Variants in ISM2 observed in about 807,000 individuals in gnomAD.
ISM2 encodes the protein isthmin-2.
Under a neutral mutation model 58.0 loss-of-function variants are expected in ISM2, and 50 were observed. The observed-to-expected ratio is 0.86, with a 90% CI of 0.69 to 1.09. The LOEUF is 1.09. Among genes scored for constraint, ISM2 ranks in the 50% least tolerant of loss-of-function variants. The pLI, the probability that ISM2 is intolerant of heterozygous loss-of-function variation, is 0.00. For missense variants in ISM2, 723 were observed against 745.0 expected (o/e 0.97, Z 0.34); for synonymous variants, 303 against 312.4 (o/e 0.97, Z 0.32).
At chr14:77,482,252 T>C (rs2139959311) in intron 4 of ISM2, 70 bp downstream of exon 4, 2 of 1,220,540 alleles carry the variant, frequency 1.6e-6, no homozygotes, top group East Asian at 2.3e-5. Context: ...CTCCACCCTC[T>C]CCCTCACCCC....
Position 77,490,622 on chromosome 14 carries a change from G to A in ISM2, c.142-5703C>T, listed in dbSNP as rs566879196. Among the ~76,000 whole-genome samples, 4 of 152,328 alleles carry A rather than the reference G, an allele frequency of 2.6e-5. No homozygotes were observed. In the South Asian group the frequency reaches 8.3e-4, roughly 32 times the overall value. ...AAGCCTTGTGCTTTGCTAACTCCAG[G>A]CAGTGGCTGCACCTTCTGGTTTGCC... On this transcript the variant is annotated intron_variant, in intron 1 of 6. Coordinates refer to ENST00000342219, the MANE Select transcript of ISM2 (RefSeq NM_199296.3).
chr14:77,494,314 T>C (rs1275239199), intron 1 of ISM2, among the ~76,000 whole-genome samples: 1 of 152,190 alleles, frequency 6.6e-6, no homozygotes, highest in Non-Finnish European at 1.5e-5. Flanking sequence ...TCAGCAACCT[T>C]TACTTTTAGA....
chr14:77,480,557 T>G (rs1252662340), intron 4 of ISM2, among the ~76,000 whole-genome samples: 5 of 141,200 alleles, frequency 3.5e-5, no homozygotes, highest in African/African-American at 1.3e-4. Flanking sequence ...CCTTTTTTTT[T>G]TTTTTTTTTT....
chr14:77,486,112 C>T (rs546131483), intron 1 of ISM2, among the ~76,000 whole-genome samples: 78 of 152,346 alleles, frequency 5.1e-4, no homozygotes, highest in African/African-American at 1.6e-3. Context: ...GGGCAAGTAA[C>T]CTGCCTGAGG....
rs988585730 is a variant in ISM2 at position 77,482,481 on chromosome 14, C to T, written c.814G>A (p.Asp272Asn). 1.1e-5 allele frequency: 17 copies of T among 1,614,220 alleles called. No homozygotes were observed. Among genetic ancestry groups the T allele is most frequent in the Non-Finnish European group, 1.2e-5 (14 of 1,180,038 alleles). The change falls in exon 4 of 7, where the codon GAC (aspartate) becomes AAC (asparagine). Residue 272 changes from aspartate to asparagine, a missense_variant. Physicochemically the swap from Asp to Asn is conservative, Grantham distance 23. Coordinates refer to ENST00000342219, the MANE Select transcript of ISM2 (RefSeq NM_199296.3). The part of the protein sequence containing the change: ...PGEKGEEKEE[D>N]EDYPSEDIEG... Reference sequence around the variant, plus strand: ...ATATCCTCTGAAGGATAGTCCTCGTCTTCCTCCTTTTCCTCCCCCTTCTCC... The same window carrying T: ...ATATCCTCTGAAGGATAGTCCTCGTTTTCCTCCTTTTCCTCCCCCTTCTCC...
At chr14:77,490,466 G>A (rs1230367770) in intron 1 of ISM2, among the ~76,000 whole-genome samples, 1 of 152,244 alleles carries the variant, frequency 6.6e-6, no homozygotes, top group Non-Finnish European at 1.5e-5. Flanking sequence ...AGGTAGGTGT[G>A]AGCATCATCT....
chr14:77,480,870 T>C (rs1286912865), intron 4 of ISM2, among the ~76,000 whole-genome samples: 3 of 151,756 alleles, frequency 2.0e-5, no homozygotes, highest in East Asian at 2.0e-4. Flanking sequence ...TCATGAAAAT[T>C]TTCTGTGAGT....
At chr14:77,484,995 A>G in intron 1 of ISM2, 76 bp from the exon 2 acceptor site, 1 of 1,466,666 alleles carries the variant, frequency 6.8e-7, no homozygotes, top group Non-Finnish European at 9.2e-7. Context: ...CTGGCCAGGC[A>G]GATCCAGGAG....
At position 77,482,355 on chromosome 14, in the gene ISM2, C is replaced by T. The variant is rs139393604; in HGVS notation, c.940G>A (p.Gly314Arg). 4.2e-4 allele frequency: 685 copies of T among 1,613,794 alleles called. 3 individuals carry two copies. In the African/African-American group the frequency reaches 5.3e-3, roughly 13 times the overall value. Residue 314 changes from glycine to arginine, a missense_variant, in exon 4 of 7, where the codon GGG becomes AGG. Gly to Arg is a moderately radical substitution (Grantham distance 125). Transcript: ENST00000342219. ...ACAGAATCCTTGAAGACCCAATCCCCGGGGGCCAGCCAGCCCTGGTCCCAG... is the reference window on the plus strand; with the variant it reads ...ACAGAATCCTTGAAGACCCAATCCCTGGGGGCCAGCCAGCCCTGGTCCCAG... ...DNWDQGWLAPGDWVFKDSVSY... is the reference protein window; with the variant it reads ...DNWDQGWLAPRDWVFKDSVSY...
intron 3 of ISM2, among the ~76,000 whole-genome samples, chr14:77,483,186 G>C (rs1566754972): frequency 6.6e-6 from 1 of 152,110 alleles, no homozygotes; most frequent in Non-Finnish European, 1.5e-5. Context: ...GGAAACATTA[G>C]GCTATTCAAT....
chr14:77,479,386 T>A (rs1261330692), intron 4 of ISM2, among the ~76,000 whole-genome samples: 1 of 115,808 alleles, frequency 8.6e-6, no homozygotes, highest in East Asian at 2.1e-4. Flanking sequence ...GCCTGGCTAA[T>A]TTTTTTTTTT....
Position 77,498,774 on chromosome 14 carries a change from C to T in ISM2, c.20G>A (p.Arg7Gln). 1.4e-6 allele frequency: 2 copies of T among 1,463,610 alleles called. No individual in the cohort carries two copies. The highest frequency in any genetic ancestry group is 1.8e-6 in the Non-Finnish European group (2 of 1,116,704). The allele number at this position is 1,463,610 out of a possible 1,614,324, so 90.7% of individuals were successfully genotyped here. MRALRD[R>Q]AGLLLCVLLL... ...CAGCACGCAGAGGAGGAGCCCGGCT[C>T]GGTCGCGGAGCGCACGCATCGTCTC... The change falls in exon 1 of 7, where the codon CGA (arginine) becomes CAA (glutamine). Residue 7 changes from arginine (R) to glutamine (Q), a missense_variant. By Grantham distance (43) the Arg-to-Gln change is conservative. Transcript: ENST00000342219.
At chr14:77,480,590 C>T (rs1462697822) in intron 4 of ISM2, among the ~76,000 whole-genome samples, 1 of 120,636 alleles carries the variant, frequency 8.3e-6, no homozygotes, top group African/African-American at 3.2e-5. Context: ...CAGGGTCTCG[C>T]TCTGTCACCC....
chr14:77,486,769 T>C (rs1012960120), intron 1 of ISM2, among the ~76,000 whole-genome samples: 1 of 151,682 alleles, frequency 6.6e-6, no homozygotes, highest in African/African-American at 2.4e-5. Flanking sequence ...GGTTATGCAG[T>C]GGTTCTCATC....
chr14:77,498,437 G>A (rs1185584658), intron 1 of ISM2: 20 of 1,218,792 alleles, frequency 1.6e-5, no homozygotes, highest in Admixed American at 4.5e-5. Flanking sequence ...GCGGCAGCCC[G>A]GCTCGCGGTC....
chr14:77,478,669 C>T lies in ISM2; in HGVS notation c.1020G>A (p.Gly340=). 4.3e-6 allele frequency: 7 copies of T among 1,613,356 alleles called. No homozygotes were observed. Among genetic ancestry groups the T allele is most frequent in the Non-Finnish European group, 5.1e-6 (6 of 1,179,360 alleles). The change falls in exon 5 of 7, where the codon GGG becomes GGA. Residue 340 remains glycine, a synonymous_variant. Coordinates refer to ENST00000342219, the MANE Select transcript of ISM2 (RefSeq NM_199296.3). ...KEWSPWSPCS[G]NCSTGKQQRT... ...TCTGCTGCTTGCCAGTGCTGCAGTTCCCACTGCAGGGAGACCAGGGACTCC... is the reference window on the plus strand; with the variant it reads ...TCTGCTGCTTGCCAGTGCTGCAGTTTCCACTGCAGGGAGACCAGGGACTCC...
chr14:77,489,719 A>G lies in ISM2; in HGVS notation c.142-4800T>C, dbSNP rs141455743. Reference sequence around the variant, plus strand: ...GGAGGCTGCAAAGCTCCTCACTGTAATAAGAGTAGTGCTGACCAAGCATAG... The same window carrying G: ...GGAGGCTGCAAAGCTCCTCACTGTAGTAAGAGTAGTGCTGACCAAGCATAG... On this transcript the variant is annotated intron_variant, in intron 1 of 6. Transcript: ENST00000342219. Among the ~76,000 whole-genome samples, 704 of 152,252 alleles carry G rather than the reference A, an allele frequency of 4.6e-3. 6 individuals carry two copies. The highest frequency in any genetic ancestry group is 0.015 in the African/African-American group (616 of 41,540).
rs1490641196 is a variant in ISM2 at position 77,482,346 on chromosome 14, C to T, written c.949G>A (p.Val317Ile). ...DQGWLAPGDW[V>I]FKDSVSYDYE... Reference sequence around the variant, plus strand: ...CCGTAGCTGACAGAATCCTTGAAGACCCAATCCCCGGGGGCCAGCCAGCCC... The same window carrying T: ...CCGTAGCTGACAGAATCCTTGAAGATCCAATCCCCGGGGGCCAGCCAGCCC... Residue 317 changes from valine to isoleucine, a missense_variant, in exon 4 of 7, where the codon GTC becomes ATC. Transcript: ENST00000342219. 2 of 1,613,536 alleles carry T rather than the reference C, an allele frequency of 1.2e-6. No homozygotes were observed. The highest frequency in any genetic ancestry group is 3.3e-5 in the Admixed American group (2 of 59,994).
chr14:77,482,452 C>G lies in ISM2; in HGVS notation c.843G>C (p.Glu281Asp). 6 of 1,614,180 alleles carry G rather than the reference C, an allele frequency of 3.7e-6. No individual in the cohort carries two copies. The highest frequency in any genetic ancestry group is 5.1e-6 in the Non-Finnish European group (6 of 1,180,006). Residue 281 changes from glutamate (E) to aspartate (D), a missense_variant, in exon 4 of 7, where the codon GAG becomes GAC. Physicochemically the swap from Glu to Asp is conservative, Grantham distance 45 (BLOSUM62 2). Transcript: ENST00000342219. ...CCTCTTTGTCCTCTTGATCCTCACC[C>G]TCGATATCCTCTGAAGGATAGTCCT... ...EDEDYPSEDIEGEDQEDKEED... is the reference protein window; with the variant it reads ...EDEDYPSEDIDGEDQEDKEED...
Sources: gnomAD v4.1 joint callset for allele counts (sites outside exome capture counted in the v4.1 genomes callset) on GRCh38, gnomAD v4.1.1 for gene constraint, MANE v1.5 for transcripts, NCBI Gene and HGNC (gene_info 2026-07-23, HGNC 2026-07-21) for gene names.